Variants in ANKS1A observed in about 807,000 individuals in gnomAD.
ANKS1A encodes the protein ankyrin repeat and SAM domain-containing protein 1A.
Under a neutral mutation model 120.3 loss-of-function variants are expected in ANKS1A, and 55 were observed. The ratio of observed to expected loss-of-function variants is 0.46; its 90% CI spans 0.37 to 0.57. The LOEUF (loss-of-function observed/expected upper bound fraction) is 0.57. Ranked by LOEUF, ANKS1A falls within the 20% of genes least tolerant of loss-of-function variation. The pLI is 0.00. For synonymous variants in ANKS1A, 590 were observed against 604.7 expected (o/e 0.98, Z 0.36); for missense variants, 1,123 against 1,480.3 (o/e 0.76, Z 3.96).
At chr6:34,911,675 A>G (rs1767914184) in intron 1 of ANKS1A, among the ~76,000 whole-genome samples, 1 of 152,138 alleles carries the variant, frequency 6.6e-6, no homozygotes, top group African/African-American at 2.4e-5. Context: ...AAGAAACCCA[A>G]ATTATACCCT....
chr6:34,947,983 A>G (rs1769885839), intron 1 of ANKS1A, among the ~76,000 whole-genome samples: 1 of 152,188 alleles, frequency 6.6e-6, no homozygotes, highest in Non-Finnish European at 1.5e-5. Context: ...AACATATTAC[A>G]ATTAGAGAGA....
intron 1 of ANKS1A, among the ~76,000 whole-genome samples, chr6:34,944,879 A>G (rs905707690): frequency 1.3e-5 from 2 of 152,024 alleles, no homozygotes; most frequent in Non-Finnish European, 2.9e-5. Flanking sequence ...TTGTCTTTTC[A>G]TTCTCTTAAC....
At chr6:34,896,009 A>C (rs181136460) in intron 1 of ANKS1A, among the ~76,000 whole-genome samples, 50 of 146,464 alleles carry the variant, frequency 3.4e-4, no homozygotes, top group Non-Finnish European at 6.3e-4. Flanking sequence ...CAGGCAGTCT[A>C]CCCTCAGCCT....
At chr6:34,980,321 C>T (rs541417939) in intron 3 of ANKS1A, among the ~76,000 whole-genome samples, 8 of 152,360 alleles carry the variant, frequency 5.3e-5, no homozygotes, top group Admixed American at 2.6e-4. Flanking sequence ...ATGTGTCCTG[C>T]TACTACTTTT....
At position 35,089,805 on chromosome 6, in the gene ANKS1A, G is replaced by A. The variant is rs993703551; in HGVS notation, c.*1196G>A. On this transcript the variant is annotated 3_prime_UTR_variant, in exon 24 of 24. Coordinates refer to ENST00000360359, the MANE Select transcript of ANKS1A (RefSeq NM_015245.3). The stretch of plus-strand genomic sequence containing the variant: ...GAGTAGAAATGCAGGGGAAACTGCT[G>A]TGGATTTGAGAGGCAAAGTTGGCTC... 3.9e-6 allele frequency: 4 copies of A among 1,025,674 alleles called. No homozygotes were observed. Among genetic ancestry groups the A allele is most frequent in the South Asian group, 3.8e-5 (1 of 26,136 alleles). 63.5% of individuals were successfully genotyped at this position (1,025,674 alleles called of 1,614,324 possible).
At chr6:34,998,238 T>G (rs1201372497) in intron 10 of ANKS1A, among the ~76,000 whole-genome samples, 1 of 152,234 alleles carries the variant, frequency 6.6e-6, no homozygotes, top group East Asian at 1.9e-4. Flanking sequence ...TCCTTTAATG[T>G]CATTGTCTTA....
At chr6:35,073,189 CCACACGT>C (rs1343524792) in intron 13 of ANKS1A, among the ~76,000 whole-genome samples, 2 of 152,188 alleles carry the variant, frequency 1.3e-5, no homozygotes, top group African/African-American at 2.4e-5. Context: ...CCAGGACAGG[CCACACGT>C]CACACGTCAC....
At chr6:34,985,325 T>C (rs1325361493) in intron 8 of ANKS1A, 47 bp downstream of exon 8, 6 of 1,586,118 alleles carry the variant, frequency 3.8e-6, no homozygotes, top group Non-Finnish European at 5.2e-6. Flanking sequence ...GTTGGCTGGC[T>C]GGCCCCTGAG....
At chr6:35,093,168 C>T (rs1021144623), downstream of ANKS1A, among the ~76,000 whole-genome samples, 2 of 152,060 alleles carry the variant, frequency 1.3e-5, no homozygotes, top group African/African-American at 4.8e-5. Flanking sequence ...ACTTTGAGAC[C>T]GCTTTTTTCA....
At chr6:34,988,776 C>G (rs1218764596) in intron 8 of ANKS1A, among the ~76,000 whole-genome samples, 1 of 152,180 alleles carries the variant, frequency 6.6e-6, no homozygotes, top group Non-Finnish European at 1.5e-5. Context: ...GATTACTTTC[C>G]TCATTACTTC....
At chr6:34,974,639 G>T (rs1310343628) in intron 3 of ANKS1A, among the ~76,000 whole-genome samples, 1 of 151,950 alleles carries the variant, frequency 6.6e-6, no homozygotes, top group African/African-American at 2.4e-5. Flanking sequence ...TTAAGTTCTG[G>T]GGTGCGACTT....
intron 11 of ANKS1A, 118 bp from the exon 12 acceptor site, chr6:35,053,981 G>A: frequency 1.3e-6 from 1 of 782,456 alleles, no homozygotes; most frequent in South Asian, 1.4e-5. Context: ...GGCTGGTGCT[G>A]GTCCTGGGAA....
intron 11 of ANKS1A, among the ~76,000 whole-genome samples, chr6:35,027,129 A>G (rs1774668293): frequency 6.6e-6 from 1 of 152,212 alleles, no homozygotes; most frequent in Non-Finnish European, 1.5e-5. Flanking sequence ...AGAATTCAAA[A>G]TTACTAAGAC....
chr6:34,931,325 T>G (rs1768971253), intron 1 of ANKS1A, among the ~76,000 whole-genome samples: 1 of 152,084 alleles, frequency 6.6e-6, no homozygotes, highest in Non-Finnish European at 1.5e-5. Context: ...TTTTGTATTT[T>G]TTAGTAGAGA....
chr6:34,924,655 T>C (rs1430063524), intron 1 of ANKS1A, among the ~76,000 whole-genome samples: 2 of 152,168 alleles, frequency 1.3e-5, no homozygotes, highest in African/African-American at 4.8e-5. Flanking sequence ...AGAGACAAAA[T>C]GACTGGAGAA....
intron 10 of ANKS1A, among the ~76,000 whole-genome samples, chr6:35,004,044 T>TTGTAAAACTTCCCGGTC (rs1773302355): frequency 6.6e-6 from 1 of 152,170 alleles, no homozygotes. Context: ...TAGAAAGACA[T>TTGTAAAACTTCCCGGTC]TGTAAAACTT....
intron 1 of ANKS1A, among the ~76,000 whole-genome samples, chr6:34,934,471 A>G (rs1417747456): frequency 6.6e-6 from 1 of 152,190 alleles, no homozygotes; most frequent in Admixed American, 6.5e-5. Flanking sequence ...TTATAACACT[A>G]GGTGAAATTG....
intron 8 of ANKS1A, among the ~76,000 whole-genome samples, chr6:34,988,668 C>A (rs1432138690): frequency 6.6e-6 from 1 of 152,038 alleles, no homozygotes; most frequent in East Asian, 1.9e-4. Context: ...AAGGAGGCAA[C>A]CAAGGATAAG....
At chr6:34,973,297 A>G (rs1176614076) in intron 3 of ANKS1A, among the ~76,000 whole-genome samples, 1 of 152,132 alleles carries the variant, frequency 6.6e-6, no homozygotes, top group African/African-American at 2.4e-5. Flanking sequence ...GCGTTCTGAA[A>G]TAGGAAACTA....
Sources: allele counts gnomAD v4.1 joint callset (sites outside exome capture counted in the v4.1 genomes callset), GRCh38; gene constraint gnomAD v4.1.1; transcripts MANE v1.5; gene names NCBI Gene and HGNC (gene_info 2026-07-23, HGNC 2026-07-21).